The following CAST variants were observed in gnomAD, a reference collection of about 807,000 sequenced individuals.
CAST encodes the protein calpastatin.
CAST carries 76 observed loss-of-function variants against 119.6 expected under a neutral mutation model. That is an observed-to-expected ratio of 0.64 (90% CI 0.53 to 0.77). The LOEUF (loss-of-function observed/expected upper bound fraction) is 0.77, where lower values mean the gene tolerates loss of function less well. Among genes scored for constraint, CAST ranks in the 30% least tolerant of loss-of-function variants. CAST has a pLI of 0.00. For missense variants in CAST, 953 were observed against 946.5 expected, an observed-to-expected ratio of 1.01 and a Z score of -0.09; for synonymous variants, 319 against 331.6, an observed-to-expected ratio of 0.96 and a Z score of 0.41.
At chr5:96,410,515 T>C in the CAST span, among the ~76,000 whole-genome samples, 2 of 151,956 alleles carry the variant, frequency 1.3e-5, no homozygotes, top group African/African-American at 4.8e-5. Flanking sequence ...CCGCTGTGTG[T>C]AATGACAGGT....
intron 1 of CAST, among the ~76,000 whole-genome samples, chr5:96,561,734 A>C (rs1198982083): frequency 6.6e-6 from 1 of 150,770 alleles, no homozygotes; most frequent in Non-Finnish European, 1.5e-5. Context: ...GTATAAAAAC[A>C]TGAGAAGGAT....
At chr5:96,197,574 C>T in the CAST span, among the ~76,000 whole-genome samples, 3 of 152,160 alleles carry the variant, frequency 2.0e-5, no homozygotes, top group East Asian at 1.9e-4. Flanking sequence ...AAAGGGAAGT[C>T]GTATGTTGAC....
chr5:96,676,170 A>G lies in CAST; in HGVS notation c.138+569A>G, dbSNP rs147269926. ...ACTGTTTAGAATGACCTACTTCTCT[A>G]TGGAAGGGTCATGTGAAAGTTCTGC... On this transcript the variant is annotated intron_variant, in intron 2 of 31. Coordinates refer to ENST00000675179, the MANE Select transcript of CAST (RefSeq NM_001750.7). Among the ~76,000 whole-genome samples the G allele has an allele frequency of 3.0e-3, 460 of 152,302 alleles. 4 individuals carry two copies. Among genetic ancestry groups the G allele is most frequent in the African/African-American group, 0.011 (440 of 41,564 alleles).
At chr5:96,011,244 G>A in the CAST span, among the ~76,000 whole-genome samples, 4 of 152,142 alleles carry the variant, frequency 2.6e-5, no homozygotes, top group African/African-American at 4.8e-5. Flanking sequence ...TTAATACAAC[G>A]GAAAGAGGGC....
At chr5:96,124,715 T>A in the CAST span, among the ~76,000 whole-genome samples, 1 of 152,198 alleles carries the variant, frequency 6.6e-6, no homozygotes, top group Non-Finnish European at 1.5e-5. Flanking sequence ...GATAGTAGTC[T>A]GTACCTGTAT....
rs570289542 is a variant in CAST, at chr5:96,714,361, G to A, written c.211-8278G>A. Among the ~76,000 whole-genome samples the A allele has an allele frequency of 2.2e-4, 34 of 152,264 alleles. No individual in the cohort carries two copies. The South Asian group carries it at 5.8e-3, about 26-fold the overall frequency. On this transcript the variant is annotated intron_variant, in intron 3 of 31. Coordinates refer to ENST00000675179, the MANE Select transcript of CAST (RefSeq NM_001750.7). Reference sequence around the variant, plus strand: ...ACATTATTTAATGCCCTTCACTAAAGTATAGCATATAATATTAGAACTGCA... The same window carrying A: ...ACATTATTTAATGCCCTTCACTAAAATATAGCATATAATATTAGAACTGCA...
the CAST span, among the ~76,000 whole-genome samples, chr5:96,361,119 T>A: frequency 6.6e-6 from 1 of 152,194 alleles, no homozygotes; most frequent in African/African-American, 2.4e-5. Context: ...CTGGCAGCTT[T>A]GTTTACACTC....
At chr5:96,563,270 A>G (rs1201301966) in intron 1 of CAST, among the ~76,000 whole-genome samples, 1 of 152,208 alleles carries the variant, frequency 6.6e-6, no homozygotes, top group Non-Finnish European at 1.5e-5. Context: ...CCAATGTCAC[A>G]TGAAGCTTAT....
At chr5:96,305,560 T>C in the CAST span, among the ~76,000 whole-genome samples, 2 of 152,226 alleles carry the variant, frequency 1.3e-5, no homozygotes, top group Non-Finnish European at 2.9e-5. Context: ...TTCCTGGTTT[T>C]GCCCATTCAG....
chr5:96,711,534 G>C (rs765619231), intron 3 of CAST, among the ~76,000 whole-genome samples: 1 of 152,150 alleles, frequency 6.6e-6, no homozygotes, highest in Non-Finnish European at 1.5e-5. Context: ...TTTATTCCTT[G>C]TAAGAGTTGC....
chr5:96,375,415 G>GGTGT, the CAST span, among the ~76,000 whole-genome samples: 1 of 149,316 alleles, frequency 6.7e-6, no homozygotes, highest in Non-Finnish European at 1.5e-5. Context: ...TTTGCTTTTT[G>GGTGT]GTGTGTGTGT....
At position 96,587,296 on chromosome 5, in the gene CAST, G is replaced by A. The variant is rs942687557; in HGVS notation, c.60+57416G>A. Among the ~76,000 whole-genome samples, 4 of 152,166 alleles carry A rather than the reference G, an allele frequency of 2.6e-5. No homozygotes were observed. In the East Asian group the frequency reaches 7.7e-4, roughly 29 times the overall value. On this transcript the variant is annotated intron_variant, in intron 1 of 11. Transcript: ENST00000505143. ...AGAAGGTCTATAGCATGTGCCTAGA[G>A]TTTGCAAATCCTACACACCAATAGA...
the CAST span, among the ~76,000 whole-genome samples, chr5:96,376,191 C>T: frequency 2.6e-3 from 393 of 151,094 alleles, no homozygotes; most frequent in African/African-American, 9.0e-3. Context: ...AATAGTGGTC[C>T]CATAAAATTA....
intron 1 of CAST, among the ~76,000 whole-genome samples, chr5:96,567,371 G>C (rs1746486464): frequency 6.6e-6 from 1 of 152,054 alleles, no homozygotes; most frequent in African/African-American, 2.4e-5. Context: ...TATTTCCTAT[G>C]CCTCCCCAGT....
At chr5:96,414,256 C>T in the CAST span, among the ~76,000 whole-genome samples, 2 of 152,086 alleles carry the variant, frequency 1.3e-5, no homozygotes, top group East Asian at 1.9e-4. Flanking sequence ...AATAACAGCT[C>T]ATGTGCATTC....
the CAST span, among the ~76,000 whole-genome samples, chr5:96,269,755 A>T: frequency 6.6e-6 from 1 of 152,216 alleles, no homozygotes; most frequent in Non-Finnish European, 1.5e-5. Context: ...CAAAGCTGTA[A>T]TAAAAAGTAT....
chr5:96,636,389 A>T (rs1017340034), intron 1 of CAST, among the ~76,000 whole-genome samples: 1 of 152,206 alleles, frequency 6.6e-6, no homozygotes, highest in Non-Finnish European at 1.5e-5. Context: ...AAAGGAAATG[A>T]TTCCAATTTT....
At chr5:96,515,364 G>T in the CAST span, among the ~76,000 whole-genome samples, 1 of 151,628 alleles carries the variant, frequency 6.6e-6, no homozygotes, top group Non-Finnish European at 1.5e-5. Context: ...CTGCTTGAAA[G>T]GTGAGCGTGA....
At chr5:95,971,979 A>T in the CAST span, among the ~76,000 whole-genome samples, 1 of 148,126 alleles carries the variant, frequency 6.8e-6, no homozygotes, top group Non-Finnish European at 1.5e-5. Context: ...TTTTTTTTGA[A>T]ACAGGGTCCC....
Sources: allele counts gnomAD v4.1 joint callset (sites outside exome capture counted in the v4.1 genomes callset), GRCh38; gene constraint gnomAD v4.1.1; transcripts MANE v1.5; gene names NCBI Gene and HGNC (gene_info 2026-07-23, HGNC 2026-07-21).